NLGN4Y: variants seen among roughly 807,000 people sequenced by gnomAD.
NLGN4Y encodes the protein neuroligin-4, Y-linked.
NLGN4Y carries 4 observed loss-of-function variants against 8.4 expected under a neutral mutation model. The observed-to-expected ratio is 0.48, with a 90% CI of 0.23 to 1.09. The LOEUF is 1.09. NLGN4Y is among the 50% of genes least tolerant of loss of function. The pLI, the probability that NLGN4Y is intolerant of heterozygous loss-of-function variation, is 0.19. For missense variants in NLGN4Y, 90 were observed against 192.3 expected (o/e 0.47, Z 3.15); for synonymous variants, 35 against 75.6 (o/e 0.46, Z 2.78).
chrY:14,578,519 G>A (rs988673774), intron 1 of NLGN4Y, among the ~76,000 whole-genome samples: 1 of 33,673 alleles, frequency 3.0e-5, no homozygotes, highest in South Asian at 6.6e-4. Flanking sequence ...GCATGATAGC[G>A]TCTGTGGTGG....
At chrY:14,730,992 T>TGTGTGTGTGG (rs2080970145) in intron 4 of NLGN4Y, among the ~76,000 whole-genome samples, 1 of 25,497 alleles carries the variant, frequency 3.9e-5, no homozygotes, top group African/African-American at 1.6e-4. Context: ...AAATTATGTG[T>TGTGTGTGTGG]GTGTGTGTGT....
At chrY:14,761,609 A>G (rs2081079389) in intron 4 of NLGN4Y, among the ~76,000 whole-genome samples, 1 of 33,799 alleles carries the variant, frequency 3.0e-5, no homozygotes, top group Admixed American at 2.7e-4. Flanking sequence ...GAAAAGATTG[A>G]TGGTTGAAGC....
At chrY:14,717,432 G>C (rs2080919593) in intron 2 of NLGN4Y, among the ~76,000 whole-genome samples, 5 of 32,026 alleles carry the variant, frequency 1.6e-4, no homozygotes, top group Non-Finnish European at 3.8e-4. Context: ...TGAAGGCCTG[G>C]AGTCCCAGCT....
chrY:14,814,373 G>A (rs569250992), intron 4 of NLGN4Y, among the ~76,000 whole-genome samples: 113 of 33,103 alleles, frequency 3.4e-3, no homozygotes, highest in African/African-American at 0.012. Flanking sequence ...TCGATTCAGG[G>A]GTCCTCAGTA....
intron 4 of NLGN4Y, among the ~76,000 whole-genome samples, chrY:14,731,651 A>G (rs2080972618): frequency 3.0e-5 from 1 of 33,152 alleles, no homozygotes; most frequent in South Asian, 6.8e-4. Context: ...ACAAGTTTGA[A>G]ATAAAGTAAA....
intron 2 of NLGN4Y, among the ~76,000 whole-genome samples, chrY:14,672,062 G>T (rs2080712809): frequency 3.1e-5 from 1 of 32,725 alleles, no homozygotes. Flanking sequence ...TTACTCAAGG[G>T]AATATATGAC....
intron 4 of NLGN4Y, among the ~76,000 whole-genome samples, chrY:14,727,007 C>G (rs2080957039): frequency 3.1e-5 from 1 of 32,555 alleles, no homozygotes; most frequent in African/African-American, 1.2e-4. Flanking sequence ...ATCAGTGGAG[C>G]CTGGGAGTTG....
intron 4 of NLGN4Y, among the ~76,000 whole-genome samples, chrY:14,757,457 CT>C (rs2081065100): frequency 3.0e-5 from 1 of 33,244 alleles, no homozygotes; most frequent in Non-Finnish European, 7.4e-5. Context: ...CCCCCTATCA[CT>C]CTTATGTTTC....
chrY:14,542,901 G>A, intron 1 of NLGN4Y, among the ~76,000 whole-genome samples: 1 of 29,882 alleles, frequency 3.3e-5, no homozygotes. Context: ...AACACCACAT[G>A]TTCCCACTCA....
At chrY:14,780,034 T>C in intron 4 of NLGN4Y, among the ~76,000 whole-genome samples, 1 of 33,321 alleles carries the variant, frequency 3.0e-5, no homozygotes, top group African/African-American at 1.2e-4. Context: ...CTGATGTGGC[T>C]GTATGTCTTT....
At chrY:14,553,086 A>G in intron 1 of NLGN4Y, among the ~76,000 whole-genome samples, 1 of 33,639 alleles carries the variant, frequency 3.0e-5, no homozygotes. Context: ...TCAGGATTCA[A>G]AATCAAGCTA....
At chrY:14,837,435 G>T (rs2043201135) in intron 6 of NLGN4Y, among the ~76,000 whole-genome samples, 1 of 33,365 alleles carries the variant, frequency 3.0e-5, no homozygotes, top group Non-Finnish European at 7.4e-5. Flanking sequence ...GGTGGAAATG[G>T]CTGTGTTAGG....
intron 1 of NLGN4Y, among the ~76,000 whole-genome samples, chrY:14,594,865 A>G (rs2080388323): frequency 3.0e-5 from 1 of 32,911 alleles, no homozygotes. Context: ...TCCAGTCCCC[A>G]TGATCTGAGT....
At chrY:14,677,016 C>T in intron 2 of NLGN4Y, among the ~76,000 whole-genome samples, 2 of 33,631 alleles carry the variant, frequency 5.9e-5, no homozygotes, top group African/African-American at 2.3e-4. Context: ...TACTCTTCTG[C>T]CTCCTACCAT....
chrY:14,774,706 A>T (rs991569888), intron 4 of NLGN4Y, among the ~76,000 whole-genome samples: 39 of 33,104 alleles, frequency 1.2e-3, no homozygotes, highest in Admixed American at 7.5e-3. Context: ...AAGAACATGC[A>T]CATGTATGTT....
At chrY:14,617,360 G>A (rs752768008) in intron 1 of NLGN4Y, among the ~76,000 whole-genome samples, 1 of 14,956 alleles carries the variant, frequency 6.7e-5, no homozygotes, top group East Asian at 1.7e-3. Flanking sequence ...TTTATTTTGA[G>A]TCTATTTGAG....
intron 4 of NLGN4Y, among the ~76,000 whole-genome samples, chrY:14,774,970 A>C: frequency 3.1e-5 from 1 of 32,639 alleles, no homozygotes; most frequent in Non-Finnish European, 7.5e-5. Flanking sequence ...ACACATGGAC[A>C]CAGGAAGGGG....
chrY:14,731,573 A>C, intron 4 of NLGN4Y, among the ~76,000 whole-genome samples: 1 of 33,377 alleles, frequency 3.0e-5, no homozygotes, highest in East Asian at 8.0e-4. Flanking sequence ...AATTTTTTTA[A>C]GTGCTGTATA....
At chrY:14,694,869 C>G (rs1042662955) in intron 2 of NLGN4Y, among the ~76,000 whole-genome samples, 6 of 33,687 alleles carry the variant, frequency 1.8e-4, no homozygotes, top group African/African-American at 5.8e-4. Flanking sequence ...TTTCACAGAC[C>G]AAAAGGTCAA....
Sources: allele counts gnomAD v4.1 joint callset (sites outside exome capture counted in the v4.1 genomes callset), GRCh38; gene constraint gnomAD v4.1.1; transcripts MANE v1.5; gene names NCBI Gene and HGNC (gene_info 2026-07-23, HGNC 2026-07-21).